Variants in DENND11 observed in about 807,000 individuals in gnomAD.
DENND11 encodes DENN domain-containing protein 11.
DENND11 carries 34 observed loss-of-function variants against 49.2 expected under a neutral mutation model. The observed-to-expected ratio is 0.69, with a 90% confidence interval of 0.53 to 0.92. DENND11 has a LOEUF of 0.92. DENND11 is among the 40% of genes least tolerant of loss of function. The pLI is 0.00. For synonymous variants in DENND11, 238 were observed against 230.3 expected, an observed-to-expected ratio of 1.03 and a Z score of -0.30; for missense variants, 475 against 581.6, an observed-to-expected ratio of 0.82 and a Z score of 1.88.
At chr7:141,685,415 C>T (rs1798222780) in intron 3 of DENND11, 63 bp downstream of exon 3, 7 of 1,578,474 alleles carry the variant, frequency 4.4e-6, no homozygotes, top group South Asian at 2.2e-5. Context: ...TCCGAGGGCT[C>T]GTGCCATATG....
At chr7:141,669,479 C>T (rs1307819687) in intron 4 of DENND11, among the ~76,000 whole-genome samples, 1 of 128,342 alleles carries the variant, frequency 7.8e-6, no homozygotes, top group African/African-American at 2.5e-5. Flanking sequence ...AATTCCTGAT[C>T]TCATGATCCA....
chr7:141,676,100 A>C (rs1798057053), intron 3 of DENND11, among the ~76,000 whole-genome samples: 1 of 152,258 alleles, frequency 6.6e-6, no homozygotes, highest in African/African-American at 2.4e-5. Flanking sequence ...TTCACAGAAA[A>C]TCATACAAAG....
chr7:141,671,449 T>C lies in DENND11; in HGVS notation c.681+2618A>G, dbSNP rs558065190. Among the ~76,000 whole-genome samples, 3 of 152,352 alleles carry C rather than the reference T, an allele frequency of 2.0e-5. No individual in the cohort carries two copies. The East Asian group carries it at 5.8e-4, about 29-fold the overall frequency. ...GCCTTGGCCTCCCAAAGTGTTGGGA[T>C]TACAGGCGTGAGCCACCATGCCTGG... On this transcript the variant is annotated intron_variant, in intron 4 of 8. Coordinates refer to ENST00000536163, the MANE Select transcript of DENND11 (RefSeq NM_001080392.2).
intron 1 of DENND11, among the ~76,000 whole-genome samples, chr7:141,701,302 AG>A (rs1315382382): frequency 1.1e-4 from 16 of 151,594 alleles, no homozygotes; most frequent in Admixed American, 2.0e-4. Flanking sequence ...TAATGCAGTC[AG>A]AGAAAGTGAA....
intron 5 of DENND11, 134 bp downstream of exon 5, chr7:141,666,153 G>A: frequency 2.2e-6 from 2 of 919,166 alleles, no homozygotes; most frequent in African/African-American, 1.7e-5. Context: ...CAGCCAATCA[G>A]TTCACTCCCG....
intron 4 of DENND11, among the ~76,000 whole-genome samples, chr7:141,670,014 G>T (rs1174828756): frequency 2.0e-5 from 3 of 150,750 alleles, no homozygotes; most frequent in Admixed American, 1.3e-4. Context: ...GTTTCACCGT[G>T]TTAGCCAGGA....
intron 3 of DENND11, among the ~76,000 whole-genome samples, chr7:141,682,768 T>A (rs1798166467): frequency 6.6e-6 from 1 of 152,218 alleles, no homozygotes; most frequent in African/African-American, 2.4e-5. Flanking sequence ...TGGGCCTCTG[T>A]TCTTGCCTTT....
Position 141,680,082 on chromosome 7 carries a change from C to A in DENND11, c.527+5396G>T, listed in dbSNP as rs370936270. ...TCTGACAATTTAATATACAGATATA[C>A]CCCTCACGTGTGAAATGCATGATAT... is the stretch of plus-strand genomic sequence containing the variant. On this transcript the variant is annotated intron_variant, in intron 3 of 8. Coordinates refer to ENST00000536163, the MANE Select transcript of DENND11 (RefSeq NM_001080392.2). Among the ~76,000 whole-genome samples, 19 of 152,254 alleles carry A rather than the reference C, an allele frequency of 1.2e-4. No homozygotes were observed. The East Asian group carries it at 3.3e-3, about 26-fold the overall frequency.
At chr7:141,686,438 G>T in intron 2 of DENND11, 121 bp downstream of exon 2, 1 of 653,110 alleles carries the variant, frequency 1.5e-6, no homozygotes, top group South Asian at 1.8e-5. Context: ...AACTATCCAT[G>T]TATTTTCAAG....
At chr7:141,684,654 C>T (rs1469988731) in intron 3 of DENND11, among the ~76,000 whole-genome samples, 5 of 151,892 alleles carry the variant, frequency 3.3e-5, no homozygotes, top group African/African-American at 7.3e-5. Flanking sequence ...AAAATGTTTA[C>T]GTAGTGATAA....
rs1554410465 is a variant in DENND11, at chr7:141,687,631, A to ACTTTTTTTTTTTTTTTTTT, written c.269-974_269-973insAAAAAAAAAAAAAAAAAAG. Among the ~76,000 whole-genome samples, 42 of 112,798 alleles carry ACTTTTTTTTTTTTTTTTTT rather than the reference A, an allele frequency of 3.7e-4. 1 individual carries two copies. The highest frequency in any genetic ancestry group is 1.3e-3 in the African/African-American group (40 of 30,434). 74.0% of individuals were successfully genotyped at this position (112,798 alleles called of 152,430 possible). A position where few individuals can be genotyped will look rare whatever the true frequency, so the allele number is the denominator to read the frequency against. On this transcript the variant is annotated intron_variant, in intron 1 of 8. Coordinates refer to ENST00000536163, the MANE Select transcript of DENND11 (RefSeq NM_001080392.2). ...AGGCGCATACCAGCACACTCGGCTAATTTTTTTTTTTTTTTTTTTTGAGAC... is the reference window on the plus strand; with the variant it reads ...AGGCGCATACCAGCACACTCGGCTAACTTTTTTTTTTTTTTTTTTTTTTTTTTTTTTTTTTTTTTGAGAC...
chr7:141,673,966 G>T, intron 4 of DENND11, 101 bp downstream of exon 4: 2 of 1,371,512 alleles, frequency 1.5e-6, no homozygotes, highest in Non-Finnish European at 2.0e-6. Context: ...CATTTTGTAT[G>T]ATCCAAAGAC....
At chr7:141,673,490 T>C (rs913042010) in intron 4 of DENND11, among the ~76,000 whole-genome samples, 1 of 152,180 alleles carries the variant, frequency 6.6e-6, no homozygotes, top group African/African-American at 2.4e-5. Context: ...ACTCTTGGCA[T>C]AATTTCTCTA....
Position 141,664,667 on chromosome 7 carries a change from C to T in DENND11, c.1103+237G>A, listed in dbSNP as rs187512128. On this transcript the variant is annotated intron_variant, in intron 7 of 8. Transcript: ENST00000536163. ...GGTAATTTCCACAGATTCCAAAGTCCATGAGAAGAAATAAACCAGCACCGT... is the reference window on the plus strand; with the variant it reads ...GGTAATTTCCACAGATTCCAAAGTCTATGAGAAGAAATAAACCAGCACCGT... 1.5e-3 allele frequency among the ~76,000 whole-genome samples: 236 copies of T among 152,264 alleles called. 1 individual carries two copies. The highest frequency in any genetic ancestry group is 2.5e-3 in the Admixed American group (39 of 15,300).
intron 1 of DENND11, among the ~76,000 whole-genome samples, chr7:141,695,529 T>C (rs531125633): frequency 2.4e-4 from 37 of 152,280 alleles, no homozygotes; most frequent in African/African-American, 8.4e-4. Context: ...GGAAAGTGAT[T>C]TTGCATAATT....
At chr7:141,665,127 T>C in intron 6 of DENND11, 60 bp downstream of exon 6, 1 of 1,610,290 alleles carries the variant, frequency 6.2e-7, no homozygotes. Context: ...AGGAGCCCTG[T>C]GTCTGGGAGG....
chr7:141,699,916 TCACACACACACACACA>T (rs145606748), intron 1 of DENND11, among the ~76,000 whole-genome samples: 7 of 146,892 alleles, frequency 4.8e-5, no homozygotes, highest in East Asian at 2.0e-4. Context: ...AAACCATCAC[TCACACACACACACACA>T]CACACACACA....
intron 4 of DENND11, among the ~76,000 whole-genome samples, chr7:141,670,726 G>A (rs978427282): frequency 1.3e-5 from 2 of 152,202 alleles, no homozygotes; most frequent in South Asian, 2.1e-4. Flanking sequence ...AAGTGGACCC[G>A]TCGTAAGTCA....
chr7:141,677,318 C>T (rs999379242), intron 3 of DENND11, among the ~76,000 whole-genome samples: 5 of 148,612 alleles, frequency 3.4e-5, no homozygotes, highest in Non-Finnish European at 7.4e-5. Context: ...ACCCAGGAGG[C>T]GGAGGTTGCA....
Sources: gnomAD v4.1 joint callset for allele counts (sites outside exome capture counted in the v4.1 genomes callset) on GRCh38, gnomAD v4.1.1 for gene constraint, MANE v1.5 for transcripts, NCBI Gene and HGNC (gene_info 2026-07-23, HGNC 2026-07-21) for gene names.